Variants in CNOT1 observed in about 807,000 individuals in gnomAD.
The protein encoded by CNOT1 is CCR4-associated factor 1.
CNOT1 carries 15 observed loss-of-function variants against 273.8 expected under a neutral mutation model. The observed-to-expected ratio is 0.05, with a 90% CI of 0.04 to 0.08. The LOEUF (loss-of-function observed/expected upper bound fraction) is 0.08. Ranked by LOEUF, CNOT1 falls within the 10% of genes least tolerant of loss-of-function variation. The probability of loss-of-function intolerance (pLI) is 1.00; values close to 1 mark genes in which losing one functional copy is unlikely to be tolerated. For missense variants in CNOT1, 1,644 were observed against 2,912.2 expected (o/e 0.56, Z 10.02); for synonymous variants, 1,022 against 1,005.5 (o/e 1.02, Z -0.31).
intron 1 of CNOT1, among the ~76,000 whole-genome samples, chr16:58,610,426 A>G (rs2042853732): frequency 6.6e-6 from 1 of 152,120 alleles, no homozygotes; most frequent in South Asian, 2.1e-4. Flanking sequence ...TAAATAGGCC[A>G]GGCGCGGTAG....
At chr16:58,542,105 G>A (rs2040112137) in intron 33 of CNOT1, 126 bp downstream of exon 33, 2 of 1,173,764 alleles carry the variant, frequency 1.7e-6, no homozygotes, top group East Asian at 2.5e-5. Flanking sequence ...ATGCTATCAA[G>A]TTAAGATGTT....
chr16:58,547,313 ACT>A lies in CNOT1; in HGVS notation c.3640-19_3640-18del. ...ATCCAAGTCCTAGAATAAGAAAAATACTTTCAAAAGCGGGGAATATACCCCCC... is the reference window on the plus strand; with the variant it reads ...ATCCAAGTCCTAGAATAAGAAAAATATTCAAAAGCGGGGAATATACCCCCC... On this transcript the variant is annotated intron_variant, in intron 26 of 48. Coordinates refer to ENST00000317147, the MANE Select transcript of CNOT1 (RefSeq NM_016284.5). This position sits in a 1 kb window ranked among gnomAD's most constrained non-coding sequence, Gnocchi z 4.0. The A allele has an allele frequency of 5.0e-6, 8 of 1,611,708 alleles. No individual in the cohort carries two copies. Among genetic ancestry groups the A allele is most frequent in the Non-Finnish European group, 6.8e-6 (8 of 1,179,216 alleles).
rs942258862 is a variant in CNOT1, at chr16:58,555,919, CA to C, written c.2480-12del. 6.2e-7 allele frequency: 1 copy of C among 1,607,040 alleles called. No individual in the cohort carries two copies. The highest frequency in any genetic ancestry group is 1.1e-5 in the South Asian group (1 of 90,386). ...CCTGAGACAAGTCCGCTGTTGGAAA[CA>C]AAAAAGGAATCAGTGGGCATTTAAG... On this transcript the variant is annotated splice_polypyrimidine_tract_variant and intron_variant, in intron 19 of 48. Transcript: ENST00000317147.
intron 3 of CNOT1, 77 bp downstream of exon 3, chr16:58,588,720 CAT>C: frequency 3.3e-6 from 5 of 1,524,076 alleles, no homozygotes; most frequent in African/African-American, 1.4e-5. Flanking sequence ...TTGTACGTGT[CAT>C]ATGCTACATA....
At chr16:58,612,744 C>G (rs2042944369) in intron 1 of CNOT1, among the ~76,000 whole-genome samples, 1 of 152,082 alleles carries the variant, frequency 6.6e-6, no homozygotes, top group African/African-American at 2.4e-5. Context: ...CTATGGAAGG[C>G]TGATTATACA....
At chr16:58,568,911 T>C (rs1373868060) in intron 16 of CNOT1, among the ~76,000 whole-genome samples, 1 of 152,186 alleles carries the variant, frequency 6.6e-6, no homozygotes, top group African/African-American at 2.4e-5. Flanking sequence ...ACGAACAATG[T>C]GCTCTGCTGA....
chr16:58,578,162 A>C (rs1247064812), intron 13 of CNOT1, among the ~76,000 whole-genome samples: 1 of 152,194 alleles, frequency 6.6e-6, no homozygotes, highest in African/African-American at 2.4e-5. Flanking sequence ...TATTGAAATT[A>C]TTAAATATTG....
chr16:58,546,678 G>A lies in CNOT1; in HGVS notation c.3822C>T (p.Asp1274=). 1 of 1,613,908 alleles carries A rather than the reference G, an allele frequency of 6.2e-7. No individual in the cohort carries two copies. The highest frequency in any genetic ancestry group is 8.5e-7 in the Non-Finnish European group (1 of 1,179,926). ...CAAGGAAGCAGTAAATTACCTTTAAGTCATGCTCCTGATGTAGCTCAGCTA... is the reference window on the plus strand; with the variant it reads ...CAAGGAAGCAGTAAATTACCTTTAAATCATGCTCCTGATGTAGCTCAGCTA... ...NVLAELHQEH[D]LKLNLKFEIE... The change falls in exon 28 of 49, where the codon GAC becomes GAT. Residue 1274 remains aspartate (D), a synonymous_variant. Coordinates refer to ENST00000317147, the MANE Select transcript of CNOT1 (RefSeq NM_016284.5).
At chr16:58,587,139 T>C (rs1181384175) in intron 6 of CNOT1, 62 bp downstream of exon 6, 3 of 1,573,230 alleles carry the variant, frequency 1.9e-6, no homozygotes, top group Admixed American at 1.9e-5. Flanking sequence ...CAGAGCCTCA[T>C]GATTAAAAAC....
intron 16 of CNOT1, among the ~76,000 whole-genome samples, chr16:58,565,300 A>G (rs1316619394): frequency 6.6e-6 from 1 of 151,994 alleles, no homozygotes; most frequent in Non-Finnish European, 1.5e-5. Context: ...TTTTTTTCAG[A>G]GACGGGGTTT....
chr16:58,529,267 T>C (rs2039697043), intron 43 of CNOT1, among the ~76,000 whole-genome samples: 1 of 152,146 alleles, frequency 6.6e-6, no homozygotes, highest in South Asian at 2.1e-4. Flanking sequence ...AAAAAGCAAC[T>C]TTTAATATAA....
Position 58,578,792 on chromosome 16 carries a change from G to C in CNOT1, c.1491C>G (p.Thr497=). 3.1e-6 allele frequency: 5 copies of C among 1,614,132 alleles called. No individual in the cohort carries two copies. The highest frequency in any genetic ancestry group is 3.4e-6 in the Non-Finnish European group (4 of 1,180,036). ...ALLQINTSWH[T]LRHELISTLM... ...GAGTGGAGATAAGTTCATGGCGCAA[G>C]GTATGCCAAGAGGTGTTAATTTGTA... is the stretch of plus-strand genomic sequence containing the variant. Residue 497 remains threonine (T), a synonymous_variant, in exon 13 of 49, where the codon ACC becomes ACG. Coordinates refer to ENST00000317147, the MANE Select transcript of CNOT1 (RefSeq NM_016284.5).
At chr16:58,604,584 C>T (rs987105042) in intron 1 of CNOT1, among the ~76,000 whole-genome samples, 5 of 143,306 alleles carry the variant, frequency 3.5e-5, no homozygotes, top group South Asian at 2.2e-4. Context: ...GAGTTGGAGA[C>T]CAGCCTGACC....
At chr16:58,629,437 C>A (rs2043734604) in intron 1 of CNOT1, among the ~76,000 whole-genome samples, 1 of 152,146 alleles carries the variant, frequency 6.6e-6, no homozygotes, top group Non-Finnish European at 1.5e-5. Context: ...GCCTCCAGGC[C>A]CGGGACAGAG....
intron 1 of CNOT1, among the ~76,000 whole-genome samples, chr16:58,628,207 A>G (rs1597639995): frequency 6.6e-6 from 1 of 152,208 alleles, no homozygotes; most frequent in East Asian, 1.9e-4. Flanking sequence ...TAGTTTTATC[A>G]ACATGCTATC....
rs1567395032 is a variant in CNOT1, at chr16:58,542,343, C to G, written c.4576-8G>C. On this transcript the variant is annotated splice_polypyrimidine_tract_variant and splice_region_variant and intron_variant, in intron 32 of 48. Transcript: ENST00000317147. Reference sequence around the variant, plus strand: ...TTTTCTCAGCTCAAATTCCTGCAAACAAAAAAAGTCACTGAGGTTCTTGTT... The same window carrying G: ...TTTTCTCAGCTCAAATTCCTGCAAAGAAAAAAAGTCACTGAGGTTCTTGTT... The G allele has an allele frequency of 1.2e-6, 2 of 1,612,466 alleles. No homozygotes were observed. Among genetic ancestry groups the G allele is most frequent in the African/African-American group, 2.7e-5 (2 of 74,768 alleles).
At chr16:58,564,470 C>T (rs1230112779) in intron 16 of CNOT1, among the ~76,000 whole-genome samples, 1 of 152,044 alleles carries the variant, frequency 6.6e-6, no homozygotes, top group African/African-American at 2.4e-5. Context: ...GTAAGCCACA[C>T]TAATATTTTA....
chr16:58,582,909 G>A lies in CNOT1; in HGVS notation c.934-6C>T, dbSNP rs767203159. On this transcript the variant is annotated splice_region_variant and splice_polypyrimidine_tract_variant and intron_variant, in intron 9 of 48. Coordinates refer to ENST00000317147, the MANE Select transcript of CNOT1 (RefSeq NM_016284.5). ...CTGCCCGGAGCAGAAATACTCTGTAGAAGTAAAACTTGAATTAAACAAACC... is the reference window on the plus strand; with the variant it reads ...CTGCCCGGAGCAGAAATACTCTGTAAAAGTAAAACTTGAATTAAACAAACC... 3.1e-6 allele frequency: 5 copies of A among 1,612,796 alleles called. No homozygotes were observed. The African/African-American group carries it at 6.7e-5, about 22-fold the overall frequency.
At chr16:58,611,975 T>A (rs2042918215) in intron 1 of CNOT1, among the ~76,000 whole-genome samples, 1 of 152,184 alleles carries the variant, frequency 6.6e-6, no homozygotes, top group South Asian at 2.1e-4. Context: ...GTTTGTTTTT[T>A]CCTTTAACAG....
Sources: allele counts gnomAD v4.1 joint callset (sites outside exome capture counted in the v4.1 genomes callset), GRCh38; gene constraint gnomAD v4.1.1; non-coding constraint Gnocchi (gnomAD v3.1); transcripts MANE v1.5; gene names NCBI Gene and HGNC (gene_info 2026-07-23, HGNC 2026-07-21).